Variants in DCDC1 observed in about 807,000 individuals in gnomAD.
The protein encoded by DCDC1 is doublecortin domain-containing protein 1.
DCDC1 carries 200 observed loss-of-function variants against 178.3 expected under a neutral mutation model. The observed-to-expected ratio is 1.12, with a 90% CI of 1.00 to 1.26. The LOEUF is 1.26. Among genes scored for constraint, DCDC1 ranks in the 50% most tolerant of loss-of-function variants. The pLI is 0.00. For missense variants in DCDC1, 1,983 were observed against 1,749.2 expected, an observed-to-expected ratio of 1.13 and a Z score of -2.38; for synonymous variants, 690 against 604.8, an observed-to-expected ratio of 1.14 and a Z score of -2.07.
chr11:31,139,759 G>GA (rs747195018), intron 9 of DCDC1, among the ~76,000 whole-genome samples: 408 of 145,086 alleles, frequency 2.8e-3, no homozygotes, highest in African/African-American at 8.5e-3. Flanking sequence ...ACCACAGTTG[G>GA]AAAAAAAAAA....
At position 31,328,303 on chromosome 11, in the gene DCDC1, A is replaced by G; in HGVS notation, c.-6-17T>C. The G allele has an allele frequency of 1.3e-6, 2 of 1,541,726 alleles. No individual in the cohort carries two copies. Among genetic ancestry groups the G allele is most frequent in the South Asian group, 2.5e-5 (2 of 81,566 alleles). On this transcript the variant is annotated splice_polypyrimidine_tract_variant and intron_variant, in intron 2 of 38. Transcript: ENST00000684477. ...CATTTTCAGCTAAAAATGATAAAGA[A>G]TGTTATTTAATTTTAAATGTAAAAT...
intron 33 of DCDC1, 146 bp from the exon 34 acceptor site, chr11:30,899,788 G>A (rs1169806532): frequency 1.8e-6 from 1 of 569,890 alleles, no homozygotes; most frequent in East Asian, 3.1e-5. Context: ...AACTTCATTT[G>A]AAAGATGACA....
intron 8 of DCDC1, among the ~76,000 whole-genome samples, chr11:31,242,552 A>G (rs1034531847): frequency 2.6e-5 from 4 of 151,976 alleles, no homozygotes; most frequent in African/African-American, 9.7e-5. Flanking sequence ...AACATGCAAA[A>G]TAACTATAGG....
chr11:31,303,921 G>A (rs1195345378), intron 6 of DCDC1, among the ~76,000 whole-genome samples: 1 of 152,094 alleles, frequency 6.6e-6, no homozygotes, highest in Non-Finnish European at 1.5e-5. Flanking sequence ...CCAGATTTTG[G>A]TGGGTTAAGC....
intron 8 of DCDC1, among the ~76,000 whole-genome samples, chr11:31,255,163 A>G (rs1282597151): frequency 6.6e-6 from 1 of 152,230 alleles, no homozygotes; most frequent in Non-Finnish European, 1.5e-5. Flanking sequence ...GTATGTATAT[A>G]CTACCATTTG....
At chr11:31,096,759 A>G (rs1258524345) in intron 15 of DCDC1, among the ~76,000 whole-genome samples, 1 of 152,084 alleles carries the variant, frequency 6.6e-6, no homozygotes, top group Admixed American at 6.6e-5. Context: ...GACAATGGCC[A>G]TTACATTTTT....
At chr11:31,107,086 T>C (rs1190196391) in intron 12 of DCDC1, 126 bp from the exon 13 acceptor site, 3 of 601,106 alleles carry the variant, frequency 5.0e-6, no homozygotes, top group Admixed American at 3.0e-5. Context: ...TAAATTCATA[T>C]AGAATGTTAA....
chr11:31,212,339 G>C (rs1009587201), intron 9 of DCDC1, among the ~76,000 whole-genome samples: 6 of 151,714 alleles, frequency 4.0e-5, no homozygotes, highest in African/African-American at 7.3e-5. Flanking sequence ...AGTTTTAAGA[G>C]GTGATTAAGT....
chr11:31,187,805 A>G (rs1313478897), intron 9 of DCDC1, among the ~76,000 whole-genome samples: 2 of 152,206 alleles, frequency 1.3e-5, no homozygotes, highest in Non-Finnish European at 2.9e-5. Flanking sequence ...CTAATCACTA[A>G]TCATTCATCA....
chr11:30,909,057 T>C lies in DCDC1; in HGVS notation c.3807A>G (p.Ile1269Met), dbSNP rs1217753817. ...TGCTATGAAAGGCCACAAGTGCTTTTATATTTTTCATGTAATGCCACTTTT... is the reference window on the plus strand; with the variant it reads ...TGCTATGAAAGGCCACAAGTGCTTTCATATTTTTCATGTAATGCCACTTTT... Reference protein sequence around the residue: ...ANQKWHYMKNIKALVAFHSTA... With the variant: ...ANQKWHYMKNMKALVAFHSTA... The change falls in exon 29 of 39, where the codon ATA becomes ATG. Residue 1269 changes from isoleucine (I) to methionine (M), a missense_variant. Coordinates refer to ENST00000684477, the MANE Select transcript of DCDC1 (RefSeq NM_001387274.1). The C allele has an allele frequency of 8.7e-6, 14 of 1,611,828 alleles. No homozygotes were observed. Among genetic ancestry groups the C allele is most frequent in the Non-Finnish European group, 1.2e-5 (14 of 1,178,654 alleles).
intron 18 of DCDC1, among the ~76,000 whole-genome samples, chr11:31,076,420 C>T (rs1263676042): frequency 6.6e-6 from 1 of 152,142 alleles, no homozygotes; most frequent in Admixed American, 6.5e-5. Context: ...ATGAACACAG[C>T]TCACTGCAGC....
chr11:31,352,321 T>C (rs1951112443), intron 1 of DCDC1, among the ~76,000 whole-genome samples: 1 of 152,174 alleles, frequency 6.6e-6, no homozygotes, highest in African/African-American at 2.4e-5. Context: ...TATTTACTTT[T>C]ATTAAAGAGA....
At chr11:31,357,972 T>C (rs1951478650) in intron 1 of DCDC1, among the ~76,000 whole-genome samples, 1 of 152,204 alleles carries the variant, frequency 6.6e-6, no homozygotes, top group African/African-American at 2.4e-5. Context: ...TCCATGCTCA[T>C]GGGTAGGAAG....
chr11:31,014,049 CA>C (rs769344020), intron 20 of DCDC1, among the ~76,000 whole-genome samples: 28 of 152,156 alleles, frequency 1.8e-4, no homozygotes, highest in Non-Finnish European at 3.5e-4. Flanking sequence ...ATTCCTATGT[CA>C]AAACCCTAAC....
chr11:31,263,047 G>A (rs1219661381), intron 8 of DCDC1: 1 of 1,612,834 alleles, frequency 6.2e-7, no homozygotes, highest in South Asian at 1.1e-5. Flanking sequence ...CATCCATGAA[G>A]TATCACGTCT....
At chr11:31,171,895 C>T (rs970097006) in intron 9 of DCDC1, among the ~76,000 whole-genome samples, 1 of 152,186 alleles carries the variant, frequency 6.6e-6, no homozygotes, top group Admixed American at 6.5e-5. Context: ...AGCTTATAGA[C>T]ATTTCAACTG....
At chr11:31,021,799 T>G (rs1952896908) in intron 20 of DCDC1, among the ~76,000 whole-genome samples, 1 of 152,186 alleles carries the variant, frequency 6.6e-6, no homozygotes, top group Non-Finnish European at 1.5e-5. Flanking sequence ...AACCTTCCTC[T>G]TAAATAACTC....
At chr11:31,265,007 T>A (rs1475367347) in intron 8 of DCDC1, among the ~76,000 whole-genome samples, 2 of 152,152 alleles carry the variant, frequency 1.3e-5, no homozygotes, top group African/African-American at 4.8e-5. Flanking sequence ...TTTATCAGCA[T>A]ACTGCTGATA....
intron 11 of DCDC1, among the ~76,000 whole-genome samples, chr11:31,117,393 A>G (rs74607301): frequency 6.6e-6 from 1 of 151,692 alleles, no homozygotes; most frequent in Non-Finnish European, 1.5e-5. Context: ...AAAAAAAAAA[A>G]TTCTAAACTA....
Sources: allele counts gnomAD v4.1 joint callset (sites outside exome capture counted in the v4.1 genomes callset), GRCh38; gene constraint gnomAD v4.1.1; transcripts MANE v1.5; gene names NCBI Gene and HGNC (gene_info 2026-07-23, HGNC 2026-07-21).